The following PDK1 variants were observed in gnomAD, a reference collection of about 807,000 sequenced individuals.
PDK1 encodes the protein pyruvate dehydrogenase kinase 1, also known as [Pyruvate dehydrogenase (acetyl-transferring)] kinase isozyme 1, mitochondrial.
In PDK1, 39 loss-of-function variants were observed where a neutral mutation model predicts 54.2. The ratio of observed to expected loss-of-function variants is 0.72; its 90% CI spans 0.56 to 0.94. The LOEUF is 0.94. PDK1 is among the 40% of genes least tolerant of loss of function. The pLI, the probability that PDK1 is intolerant of heterozygous loss-of-function variation, is 0.00. For missense variants in PDK1, 552 were observed against 566.0 expected, an observed-to-expected ratio of 0.98 and a Z score of 0.25; for synonymous variants, 221 against 207.1, an observed-to-expected ratio of 1.07 and a Z score of -0.58.
chr2:172,567,327 G>T (rs557993029), intron 6 of PDK1, among the ~76,000 whole-genome samples: 1 of 152,214 alleles, frequency 6.6e-6, no homozygotes, highest in African/African-American at 2.4e-5. Flanking sequence ...CATAGACTGG[G>T]GTTATAAAAG....
the PDK1 span, among the ~76,000 whole-genome samples, chr2:172,620,567 C>T: frequency 6.6e-6 from 1 of 152,110 alleles, no homozygotes; most frequent in African/African-American, 2.4e-5. Flanking sequence ...CTCCCCCACT[C>T]AAATCTCATG....
chr2:172,622,278 A>AT, the PDK1 span, among the ~76,000 whole-genome samples: 1 of 134,256 alleles, frequency 7.4e-6, no homozygotes, highest in African/African-American at 3.2e-5. Context: ...ATATGTTTAT[A>AT]TCTCATATAT....
intron 1 of PDK1, among the ~76,000 whole-genome samples, chr2:172,556,846 G>A (rs1688362065): frequency 6.6e-6 from 1 of 152,238 alleles, no homozygotes; most frequent in South Asian, 2.1e-4. Context: ...AAAACTGTTG[G>A]CACCAACAGC....
At chr2:172,642,345 T>C in the PDK1 span, among the ~76,000 whole-genome samples, 5 of 152,164 alleles carry the variant, frequency 3.3e-5, no homozygotes, top group South Asian at 2.1e-4. Context: ...ATATCAATTA[T>C]GTAATTAGGA....
chr2:172,709,734 C>G, the PDK1 span, among the ~76,000 whole-genome samples: 2 of 152,292 alleles, frequency 1.3e-5, no homozygotes, highest in African/African-American at 4.8e-5. Flanking sequence ...TCTTAGTTCA[C>G]AAGTCACTAT....
chr2:172,703,807 C>A, the PDK1 span, among the ~76,000 whole-genome samples: 1 of 114,606 alleles, frequency 8.7e-6, no homozygotes, highest in Non-Finnish European at 1.7e-5. Flanking sequence ...CTCGCTCTAT[C>A]GCCCAGCCAG....
At chr2:172,668,828 CAT>C in the PDK1 span, among the ~76,000 whole-genome samples, 13 of 145,628 alleles carry the variant, frequency 8.9e-5, no homozygotes, top group Non-Finnish European at 1.9e-4. Flanking sequence ...TATATACACA[CAT>C]ATGTATGTAT....
the PDK1 span, among the ~76,000 whole-genome samples, chr2:172,622,778 A>C: frequency 6.8e-6 from 1 of 148,056 alleles, no homozygotes; most frequent in East Asian, 2.0e-4. Flanking sequence ...AGATGTTTAT[A>C]TCTCATATGT....
intron 6 of PDK1, among the ~76,000 whole-genome samples, chr2:172,568,312 A>C (rs1374665410): frequency 7.3e-6 from 1 of 136,868 alleles, no homozygotes; most frequent in Non-Finnish European, 1.5e-5. Flanking sequence ...TGGGCAACAG[A>C]GCAAGACTCC....
At position 172,605,250 on chromosome 2, in the gene PDK1, A is replaced by G. The variant is rs1296551184; in HGVS notation, c.*9281A>G. 1.3e-5 allele frequency: 2 copies of G among 152,086 alleles called. No individual in the cohort carries two copies. Among genetic ancestry groups the G allele is most frequent in the Non-Finnish European group, 2.9e-5 (2 of 68,048 alleles). The allele number at this position is 152,086 out of a possible 1,614,324, so 9.4% of individuals were successfully genotyped here. The stretch of plus-strand genomic sequence containing the variant: ...CCATAATGCCTCCTTCTATTCCACT[A>G]TGAACAGTCAAGGACACTGGAGGCC... On this transcript the variant is annotated 3_prime_UTR_variant, in exon 11 of 11. Coordinates refer to ENST00000282077, the MANE Select transcript of PDK1 (RefSeq NM_002610.5).
chr2:172,640,278 T>G, the PDK1 span, among the ~76,000 whole-genome samples: 1 of 152,188 alleles, frequency 6.6e-6, no homozygotes, highest in South Asian at 2.1e-4. Flanking sequence ...GAATAGAAAT[T>G]GAGACTCACT....
At chr2:172,575,885 A>G (rs527722835) in intron 8 of PDK1, among the ~76,000 whole-genome samples, 1 of 151,970 alleles carries the variant, frequency 6.6e-6, no homozygotes, top group Non-Finnish European at 1.5e-5. Flanking sequence ...TAGATTGTCC[A>G]TTTCTTCCTG....
At position 172,602,916 on chromosome 2, in the gene PDK1, T is replaced by C. The variant is rs1396578144; in HGVS notation, c.*6947T>C. 4.6e-5 allele frequency: 7 copies of C among 152,198 alleles called. No homozygotes were observed. The highest frequency in any genetic ancestry group is 1.7e-4 in the African/African-American group (7 of 41,442). 9.4% of individuals were successfully genotyped at this position (152,198 alleles called of 1,614,324 possible). ...AACCATCAGGTGATGCCTCATTTGC[T>C]GTGGTGCACAGCTGAACTTGATTGT... On this transcript the variant is annotated 3_prime_UTR_variant, in exon 11 of 11. Transcript: ENST00000282077.
chr2:172,580,597 T>C (rs12476089), intron 8 of PDK1, among the ~76,000 whole-genome samples: 54,811 of 151,972 alleles, frequency 0.36, 12,097 homozygotes, highest in East Asian at 0.78. Flanking sequence ...CCAGCAATCC[T>C]ACTCCTATGT....
the PDK1 span, among the ~76,000 whole-genome samples, chr2:172,628,468 C>G: frequency 6.6e-6 from 1 of 152,122 alleles, no homozygotes; most frequent in African/African-American, 2.4e-5. Flanking sequence ...CCCCTTGATC[C>G]CTGCCCCCCA....
At chr2:172,672,380 A>T in the PDK1 span, among the ~76,000 whole-genome samples, 1 of 152,236 alleles carries the variant, frequency 6.6e-6, no homozygotes, top group South Asian at 2.1e-4. Flanking sequence ...TTGCTAAGTA[A>T]ATTTGTTTAT....
intron 8 of PDK1, among the ~76,000 whole-genome samples, chr2:172,572,651 A>G (rs940675786): frequency 3.3e-5 from 5 of 152,160 alleles, no homozygotes; most frequent in Admixed American, 6.5e-5. Context: ...GCTTGAACCC[A>G]GCAGCAGAGG....
At position 172,587,331 on chromosome 2, in the gene PDK1, G is replaced by C. The variant is rs113773972; in HGVS notation, c.1056+943G>C. On this transcript the variant is annotated intron_variant, in intron 9 of 10. Coordinates refer to ENST00000282077, the MANE Select transcript of PDK1 (RefSeq NM_002610.5). ...GAGTGAAGCTGCAGACCTTCACGGA[G>C]AGTGTTACAGCTCATAAAGGCAGGG... 1.9e-4 allele frequency among the ~76,000 whole-genome samples: 28 copies of C among 150,762 alleles called. No individual in the cohort carries two copies. In the South Asian group the frequency reaches 3.5e-3, roughly 19 times the overall value.
chr2:172,591,118 G>T (rs1690551893), intron 9 of PDK1, among the ~76,000 whole-genome samples: 1 of 152,164 alleles, frequency 6.6e-6, no homozygotes, highest in Non-Finnish European at 1.5e-5. Context: ...GTTCATTTGG[G>T]ATTCCATTTG....
Sources: allele counts gnomAD v4.1 joint callset (sites outside exome capture counted in the v4.1 genomes callset), GRCh38; gene constraint gnomAD v4.1.1; transcripts MANE v1.5; gene names NCBI Gene and HGNC (gene_info 2026-07-23, HGNC 2026-07-21).